EPHA8: variants seen among roughly 807,000 people sequenced by gnomAD.
EPHA8 encodes EPH receptor A8, also known as ephrin type-A receptor 8.
EPHA8 carries 58 observed loss-of-function variants against 103.6 expected under a neutral mutation model. That is an observed-to-expected ratio of 0.56 (90% confidence interval 0.45 to 0.70). EPHA8 has a LOEUF of 0.70. EPHA8 is among the 30% of genes least tolerant of loss of function. The pLI is 0.00. For missense variants in EPHA8, 1,304 were observed against 1,395.2 expected (o/e 0.93, Z 1.04); for synonymous variants, 559 against 572.5 (o/e 0.98, Z 0.34).
At chr1:22,579,717 C>T (rs1640986901) in intron 3 of EPHA8, among the ~76,000 whole-genome samples, 1 of 152,124 alleles carries the variant, frequency 6.6e-6, no homozygotes, top group East Asian at 1.9e-4. Flanking sequence ...ATCATTGGAT[C>T]CCCTGGACAG....
intron 4 of EPHA8, among the ~76,000 whole-genome samples, chr1:22,587,802 T>C (rs983517264): frequency 2.0e-5 from 3 of 152,132 alleles, no homozygotes; most frequent in African/African-American, 7.2e-5. Context: ...CCCAGGTGCA[T>C]TCATGCCCAC....
chr1:22,586,781 G>T (rs1041884941), intron 4 of EPHA8, 146 bp downstream of exon 4: 22 of 898,668 alleles, frequency 2.4e-5, no homozygotes, highest in African/African-American at 4.5e-5. Context: ...AGTCTGAGGT[G>T]GGGGGGGTGA....
chr1:22,586,693 T>A, intron 4 of EPHA8, 58 bp downstream of exon 4: 1 of 1,586,030 alleles, frequency 6.3e-7, no homozygotes, highest in Non-Finnish European at 8.6e-7. Context: ...CGGGCCCCTG[T>A]GTTTGGTCCT....
At position 22,593,461 on chromosome 1, in the gene EPHA8, C is replaced by A. The variant is rs759953301; in HGVS notation, c.1440+11C>A. On this transcript the variant is annotated intron_variant, in intron 6 of 16. Coordinates refer to ENST00000166244, the MANE Select transcript of EPHA8 (RefSeq NM_020526.5). The stretch of plus-strand genomic sequence containing the variant: ...AAGTACTACGAGAAGGTACCACGGG[C>A]AGGACGGAGTGGGAGGGGCTGGGCC... 1 of 1,610,364 alleles carries A rather than the reference C, an allele frequency of 6.2e-7. No individual in the cohort carries two copies. Among genetic ancestry groups the A allele is most frequent in the Non-Finnish European group, 8.5e-7 (1 of 1,178,020 alleles).
intron 3 of EPHA8, among the ~76,000 whole-genome samples, chr1:22,586,029 A>G (rs1345974194): frequency 6.6e-6 from 1 of 151,962 alleles, no homozygotes; most frequent in Non-Finnish European, 1.5e-5. Context: ...CATCCCACCC[A>G]AGTCAGTTCC....
chr1:22,563,551 G>T lies in EPHA8; in HGVS notation c.-85G>T. The T allele has an allele frequency of 1.4e-5, 2 of 146,436 alleles. No homozygotes were observed. The highest frequency in any genetic ancestry group is 3.7e-4 in the South Asian group (2 of 5,416). 9.1% of individuals were successfully genotyped at this position (146,436 alleles called of 1,614,324 possible). A position where few individuals can be genotyped will look rare whatever the true frequency, so the allele number is the denominator to read the frequency against. ...CCCGGCCGGGTGTGCGGAGAGCGAG[G>T]GAGCGCGCTCCCTCCCGACGCGCGG... On this transcript the variant is annotated 5_prime_UTR_variant, in exon 1 of 17. Transcript: ENST00000166244. The surrounding 1 kb of genome is among the most constrained non-coding windows in gnomAD (Gnocchi z 4.4).
chr1:22,600,613 A>T (rs1032522714), intron 13 of EPHA8, 48 bp from the exon 14 acceptor site: 1 of 1,603,636 alleles, frequency 6.2e-7, no homozygotes, highest in Non-Finnish European at 8.5e-7. Flanking sequence ...CTCGGGGGAC[A>T]CCCTGCCAGG....
At position 22,602,180 on chromosome 1, in the gene EPHA8, G is replaced by T. The variant is rs1030419572; in HGVS notation, c.*439G>T. 1 of 213,932 alleles carries T rather than the reference G, an allele frequency of 4.7e-6. No individual in the cohort carries two copies. The highest frequency in any genetic ancestry group is 9.1e-5 in the South Asian group (1 of 10,946). 13.3% of individuals were successfully genotyped at this position (213,932 alleles called of 1,614,324 possible). On this transcript the variant is annotated 3_prime_UTR_variant, in exon 17 of 17. Transcript: ENST00000166244. The stretch of plus-strand genomic sequence containing the variant: ...GCATGTTATGAGCGTGTGCTTATCC[G>T]TTAAGGCTGGAGGCACATGTGGGTG...
Position 22,589,001 on chromosome 1 carries a change from C to T in EPHA8, c.1110C>T (p.Pro370=), listed in dbSNP as rs55841300. The change falls in exon 5 of 17, where the codon CCC becomes CCT. Residue 370 remains proline (P), a synonymous_variant. Coordinates refer to ENST00000166244, the MANE Select transcript of EPHA8 (RefSeq NM_020526.5). This position sits in a 1 kb window ranked among gnomAD's most constrained non-coding sequence, Gnocchi z 4.3. The part of the protein sequence containing the change: ...ITYNAVCRRC[P]WALSRCEACG... ...ACAATGCCGTGTGCCGCCGCTGCCC[C>T]TGGGCACTGAGCCGCTGCGAGGCAT... The T allele has an allele frequency of 9.1e-4, 1,466 of 1,613,310 alleles. 26 individuals carry two copies. In the East Asian group the frequency reaches 0.025, roughly 27 times the overall value.
Position 22,598,769 on chromosome 1 carries a change from A to C in EPHA8, c.2179-69A>C. The C allele has an allele frequency of 6.7e-7, 1 of 1,491,106 alleles. No individual in the cohort carries two copies. The highest frequency in any genetic ancestry group is 1.4e-5 in the African/African-American group (1 of 72,516). The allele number at this position is 1,491,106 out of a possible 1,614,324, so 92.4% of individuals were successfully genotyped here. A position where few individuals can be genotyped will look rare whatever the true frequency, so the allele number is the denominator to read the frequency against. ...AACTCGAGAGCATCCTACAGATGGG[A>C]GGTGTTCCTGTTCACGGACCAGGCG... On this transcript the variant is annotated intron_variant, in intron 12 of 16. Coordinates refer to ENST00000166244, the MANE Select transcript of EPHA8 (RefSeq NM_020526.5). This position sits in a 1 kb window ranked among gnomAD's most constrained non-coding sequence, Gnocchi z 5.1.
In EPHA8 at chr1:22,576,893, T is replaced by G. The variant is rs760917422; in HGVS notation, c.823+13T>G. The G allele has an allele frequency of 6.4e-7, 1 of 1,567,650 alleles. No homozygotes were observed. The highest frequency in any genetic ancestry group is 1.7e-5 in the Admixed American group (1 of 58,216). On this transcript the variant is annotated intron_variant, in intron 3 of 16. Coordinates refer to ENST00000166244, the MANE Select transcript of EPHA8 (RefSeq NM_020526.5). The surrounding 1 kb of genome is among the most constrained non-coding windows in gnomAD (Gnocchi z 4.8). The stretch of plus-strand genomic sequence containing the variant: ...GATGCCTGTGTGGGTGAGCGCGCCA[T>G]GGCCTGGGCATGGGTCAGCCGGCAG...
Position 22,589,691 on chromosome 1 carries a change from T to A in EPHA8, c.1315+485T>A. 9.2e-7 allele frequency: 1 copy of A among 1,092,532 alleles called. No homozygotes were observed. Among genetic ancestry groups the A allele is most frequent in the Non-Finnish European group, 1.1e-6 (1 of 900,474 alleles). The allele number at this position is 1,092,532 out of a possible 1,614,324, so 67.7% of individuals were successfully genotyped here. A position where few individuals can be genotyped will look rare whatever the true frequency, so the allele number is the denominator to read the frequency against. ...TGGGATAGACTTGGCTGCACTGGCT[T>A]GGACCACAGTAGTTTATCTATCAGT... On this transcript the variant is annotated intron_variant, in intron 5 of 16. Coordinates refer to ENST00000166244, the MANE Select transcript of EPHA8 (RefSeq NM_020526.5). This position sits in a 1 kb window ranked among gnomAD's most constrained non-coding sequence, Gnocchi z 4.3.
chr1:22,583,760 A>C (rs1172315992), intron 3 of EPHA8, among the ~76,000 whole-genome samples: 1 of 152,204 alleles, frequency 6.6e-6, no homozygotes, highest in Non-Finnish European at 1.5e-5. Context: ...GAGCTCAGAT[A>C]AAGGGGGTTA....
In EPHA8 at chr1:22,597,287, T is replaced by G. The variant is rs745679594; in HGVS notation, c.1766-25T>G. On this transcript the variant is annotated intron_variant, in intron 9 of 16. Transcript: ENST00000166244. The surrounding 1 kb of genome is among the most constrained non-coding windows in gnomAD (Gnocchi z 4.6). Reference sequence around the variant, plus strand: ...AAAAGCAATCTCTCCTGGGCCCCACTGAAGGCCCTCCTCCCGCCCCTCAGC... The same window carrying G: ...AAAAGCAATCTCTCCTGGGCCCCACGGAAGGCCCTCCTCCCGCCCCTCAGC... 6.4e-7 allele frequency: 1 copy of G among 1,570,450 alleles called. No homozygotes were observed. The highest frequency in any genetic ancestry group is 1.1e-5 in the South Asian group (1 of 88,538).
Position 22,598,599 on chromosome 1 carries a change from G to A in EPHA8, c.2179-239G>A, listed in dbSNP as rs989031493. Among the ~76,000 whole-genome samples, 2 of 152,118 alleles carry A rather than the reference G, an allele frequency of 1.3e-5. No homozygotes were observed. The highest frequency in any genetic ancestry group is 2.1e-4 in the South Asian group (1 of 4,832). On this transcript the variant is annotated intron_variant, in intron 12 of 16. Transcript: ENST00000166244. This position sits in a 1 kb window ranked among gnomAD's most constrained non-coding sequence, Gnocchi z 5.1. ...TAACCTCTCTGGGCCTCCATCTCTC[G>A]TTCCACAAAATGGGTAAGCAGTCAT...
At chr1:22,570,355 CAT>C (rs1249357653) in intron 2 of EPHA8, among the ~76,000 whole-genome samples, 1 of 110,960 alleles carries the variant, frequency 9.0e-6, no homozygotes. Flanking sequence ...TGGGTACACA[CAT>C]GCACACACGT....
rs1490585876 is a variant in EPHA8, at chr1:22,598,627, C to G, written c.2179-211C>G. On this transcript the variant is annotated intron_variant, in intron 12 of 16. Coordinates refer to ENST00000166244, the MANE Select transcript of EPHA8 (RefSeq NM_020526.5). This position sits in a 1 kb window ranked among gnomAD's most constrained non-coding sequence, Gnocchi z 5.1. ...CCACAAAATGGGTAAGCAGTCATTG[C>G]TGCCCCACGTACCTCGCAGGGTTGC... Among the ~76,000 whole-genome samples, 4 of 152,216 alleles carry G rather than the reference C, an allele frequency of 2.6e-5. No individual in the cohort carries two copies. The highest frequency in any genetic ancestry group is 4.4e-5 in the Non-Finnish European group (3 of 68,040).
At chr1:22,578,844 TGTGTGCATGCATGTGTGTATATGCAC>T (rs1353197061) in intron 3 of EPHA8, among the ~76,000 whole-genome samples, 4 of 151,466 alleles carry the variant, frequency 2.6e-5, no homozygotes, top group Non-Finnish European at 4.4e-5. Context: ...TGTATATGCA[TGTGTGCATGCATGTGTGTATATGCAC>T]GTGTCCGTGT....
chr1:22,600,867 G>A, intron 14 of EPHA8, 31 bp from the exon 15 acceptor site: 3 of 1,589,426 alleles, frequency 1.9e-6, no homozygotes, highest in Non-Finnish European at 2.6e-6. Flanking sequence ...TGCAGGGAGG[G>A]ACGGCTGAGC....
Sources: gnomAD v4.1 joint callset for allele counts (sites outside exome capture counted in the v4.1 genomes callset) on GRCh38, gnomAD v4.1.1 for gene constraint, Gnocchi (gnomAD v3.1) non-coding constraint, MANE v1.5 for transcripts, NCBI Gene and HGNC (gene_info 2026-07-23, HGNC 2026-07-21) for gene names.